Variants in SIPA1L1 observed in about 807,000 individuals in gnomAD.
SIPA1L1 encodes the protein signal induced proliferation associated 1 like 1.
SIPA1L1 carries 26 observed loss-of-function variants against 162.7 expected under a neutral mutation model. The ratio of observed to expected loss-of-function variants is 0.16; its 90% CI spans 0.12 to 0.22. The LOEUF is 0.22. SIPA1L1 is among the 10% of genes least tolerant of loss of function. The pLI is 1.00. For missense variants in SIPA1L1, 1,874 were observed against 2,241.0 expected (o/e 0.84, Z 3.31); for synonymous variants, 829 against 837.4 (o/e 0.99, Z 0.17).
At chr14:71,384,981 G>T (rs1477089468) in intron 2 of SIPA1L1, among the ~76,000 whole-genome samples, 2 of 152,208 alleles carry the variant, frequency 1.3e-5, no homozygotes, top group African/African-American at 4.8e-5. Context: ...AATCGGACTT[G>T]TGGAGAGGAC....
intron 22 of SIPA1L1, 38 bp downstream of exon 22, chr14:71,735,429 G>A (rs746093072): frequency 7.2e-7 from 1 of 1,380,298 alleles, no homozygotes; most frequent in Non-Finnish European, 1.0e-6. Context: ...TGCACCTTGT[G>A]TCACATCTGC....
chr14:71,430,656 G>A (rs755545582), intron 2 of SIPA1L1, among the ~76,000 whole-genome samples: 1 of 152,236 alleles, frequency 6.6e-6, no homozygotes, highest in Admixed American at 6.5e-5. Flanking sequence ...GTCACATAAT[G>A]TGTAGCTTCT....
intron 2 of SIPA1L1, among the ~76,000 whole-genome samples, chr14:71,464,319 C>G (rs991344888): frequency 6.6e-6 from 1 of 152,068 alleles, no homozygotes; most frequent in Non-Finnish European, 1.5e-5. Flanking sequence ...CTATTAGAAC[C>G]TTTCTTAACT....
intron 2 of SIPA1L1, among the ~76,000 whole-genome samples, chr14:71,344,326 G>T (rs1202497952): frequency 6.6e-6 from 1 of 152,186 alleles, no homozygotes; most frequent in African/African-American, 2.4e-5. Flanking sequence ...AAAAGGAAAA[G>T]ATGATGATGC....
At position 71,537,664 on chromosome 14, in the gene SIPA1L1, T is replaced by A. The variant is rs866127778; in HGVS notation, c.-303+8294T>A. On this transcript the variant is annotated intron_variant, in intron 4 of 23. Transcript: ENST00000381232. ...GTGTGGGCGAGTGGGCTATCTTTTT[T>A]CCCCTGCATCTTCATTTCCTTTTCT... Among the ~76,000 whole-genome samples, 172 of 152,274 alleles carry A rather than the reference T, an allele frequency of 1.1e-3. 2 individuals are homozygous for A. Among genetic ancestry groups the A allele is most frequent in the African/African-American group, 4.0e-3 (168 of 41,552 alleles).
rs2042526547 is a variant in SIPA1L1, at chr14:71,650,499, T to A, written c.1983T>A (p.Leu661=). 6.2e-7 allele frequency: 1 copy of A among 1,613,940 alleles called. No individual in the cohort carries two copies. The highest frequency in any genetic ancestry group is 8.5e-7 in the Non-Finnish European group (1 of 1,179,864). Reference sequence around the variant, plus strand: ...GATTTGAGAAGTATCGAGCACAGCTTGATACCAAAAGTAAGAAATACTTAC... The same window carrying A: ...GATTTGAGAAGTATCGAGCACAGCTAGATACCAAAAGTAAGAAATACTTAC... ...LKGFEKYRAQ[L]DTKTDSTGTH... The change falls in exon 8 of 24, where the codon CTT becomes CTA. Residue 661 remains leucine, a synonymous_variant. Coordinates refer to ENST00000381232, the MANE Select transcript of SIPA1L1 (RefSeq NM_001386936.1).
chr14:71,544,274 T>TAC (rs1220020334), intron 4 of SIPA1L1, among the ~76,000 whole-genome samples: 1 of 107,240 alleles, frequency 9.3e-6, no homozygotes, highest in Non-Finnish European at 2.5e-5. Flanking sequence ...TATGTGTATA[T>TAC]ACATATGTGT....
chr14:71,559,713 TA>T (rs1330983186), intron 4 of SIPA1L1, among the ~76,000 whole-genome samples: 5 of 152,206 alleles, frequency 3.3e-5, no homozygotes, highest in African/African-American at 9.6e-5. Flanking sequence ...GTGAACAGAA[TA>T]AAAACTTTTC....
chr14:71,549,284 C>G (rs1294291702), intron 4 of SIPA1L1, among the ~76,000 whole-genome samples: 1 of 151,928 alleles, frequency 6.6e-6, no homozygotes, highest in Non-Finnish European at 1.5e-5. Flanking sequence ...CCTTTTCATT[C>G]ACCTCATCAT....
At chr14:71,447,585 A>G (rs2045506224) in intron 2 of SIPA1L1, among the ~76,000 whole-genome samples, 1 of 141,524 alleles carries the variant, frequency 7.1e-6, no homozygotes, top group African/African-American at 2.7e-5. Context: ...TTTTTTTGAG[A>G]CAGGGTCTCA....
intron 2 of SIPA1L1, among the ~76,000 whole-genome samples, chr14:71,414,664 A>G (rs1443505365): frequency 2.0e-5 from 3 of 152,314 alleles, no homozygotes; most frequent in South Asian, 2.1e-4. Context: ...AATCTTCTCT[A>G]TGTTTCTTGA....
intron 4 of SIPA1L1, among the ~76,000 whole-genome samples, chr14:71,546,917 G>C (rs1009047842): frequency 6.6e-6 from 1 of 152,126 alleles, no homozygotes; most frequent in African/African-American, 2.4e-5. Context: ...TGCTCCTTTT[G>C]TGCAGTCATC....
intron 13 of SIPA1L1, among the ~76,000 whole-genome samples, chr14:71,693,337 A>G (rs2081381609): frequency 6.6e-6 from 1 of 152,150 alleles, no homozygotes; most frequent in African/African-American, 2.4e-5. Context: ...CCTGTCTACT[A>G]AAAACACAAT....
In SIPA1L1 at chr14:71,330,219, T is replaced by C. The variant is rs1481852938; in HGVS notation, c.-465+9038T>C. The C allele has an allele frequency of 9.6e-6, 6 of 626,996 alleles. No homozygotes were observed. In the East Asian group the frequency reaches 1.7e-4, roughly 18 times the overall value. The allele number at this position is 626,996 out of a possible 1,614,324, so 38.8% of individuals were successfully genotyped here. A position where few individuals can be genotyped will look rare whatever the true frequency, so the allele number is the denominator to read the frequency against. ...TGGGTAATGAAGTTGGTTAGCTGTC[T>C]CCCCATCCTCCCAACTCCACTATTC... On this transcript the variant is annotated intron_variant, in intron 2 of 23. Coordinates refer to ENST00000381232, the MANE Select transcript of SIPA1L1 (RefSeq NM_001386936.1).
intron 2 of SIPA1L1, among the ~76,000 whole-genome samples, chr14:71,505,421 C>CT (rs530843410): frequency 0.25 from 32,133 of 128,494 alleles, 3,787 homozygotes; most frequent in Middle Eastern, 0.42. Flanking sequence ...TCTCTTTCTT[C>CT]TTTTTTTTTT....
intron 2 of SIPA1L1, among the ~76,000 whole-genome samples, chr14:71,443,446 G>A (rs2045083283): frequency 6.6e-6 from 1 of 152,056 alleles, no homozygotes; most frequent in South Asian, 2.1e-4. Flanking sequence ...ATAGTTCCTT[G>A]TAATCCTTTT....
At chr14:71,702,127 G>A (rs2082137208) in intron 14 of SIPA1L1, among the ~76,000 whole-genome samples, 2 of 152,160 alleles carry the variant, frequency 1.3e-5, no homozygotes, top group African/African-American at 4.8e-5. Context: ...CAGTCCTAAT[G>A]GCTTCCGCCC....
intron 16 of SIPA1L1, among the ~76,000 whole-genome samples, chr14:71,707,921 C>T (rs970743893): frequency 2.6e-5 from 4 of 151,480 alleles, no homozygotes; most frequent in African/African-American, 9.7e-5. Flanking sequence ...TTATTATAGC[C>T]AAAGTGGCAT....
chr14:71,509,002 T>TGG (rs1236034903), intron 2 of SIPA1L1, among the ~76,000 whole-genome samples: 4 of 152,346 alleles, frequency 2.6e-5, no homozygotes, highest in Admixed American at 1.3e-4. Context: ...TTTAATTCCC[T>TGG]GGCTCACCAT....
Sources: gnomAD v4.1 joint callset for allele counts (sites outside exome capture counted in the v4.1 genomes callset) on GRCh38, gnomAD v4.1.1 for gene constraint, MANE v1.5 for transcripts, NCBI Gene and HGNC (gene_info 2026-07-23, HGNC 2026-07-21) for gene names.